NAALADL2: variants seen among roughly 807,000 people sequenced by gnomAD.
The protein encoded by NAALADL2 is inactive N-acetylated-alpha-linked acidic dipeptidase-like protein 2.
A neutral mutation model predicts 87.2 loss-of-function variants in NAALADL2; 76 were observed. The observed-to-expected ratio is 0.87, with a 90% CI of 0.72 to 1.05. The LOEUF is 1.05. Among genes scored for constraint, NAALADL2 ranks in the 50% least tolerant of loss-of-function variants. NAALADL2 has a pLI of 0.00. For synonymous variants in NAALADL2, 354 were observed against 331.0 expected, an observed-to-expected ratio of 1.07 and a Z score of -0.75; for missense variants, 1,089 against 945.8, an observed-to-expected ratio of 1.15 and a Z score of -1.99.
At chr3:174,722,263 C>T (rs954464750) in intron 2 of NAALADL2, among the ~76,000 whole-genome samples, 3 of 152,276 alleles carry the variant, frequency 2.0e-5, no homozygotes, top group Middle Eastern at 3.4e-3. Context: ...GGTTGGTTTA[C>T]GGAATCCTTT....
chr3:174,911,410 T>C (rs967328304), intron 1 of NAALADL2, among the ~76,000 whole-genome samples: 13 of 152,120 alleles, frequency 8.5e-5, no homozygotes, highest in South Asian at 8.3e-4. Context: ...AAGTAAAAAC[T>C]GTATACAGCA....
intron 5 of NAALADL2, among the ~76,000 whole-genome samples, chr3:175,414,575 T>A (rs1714235076): frequency 6.6e-6 from 1 of 152,174 alleles, no homozygotes; most frequent in African/African-American, 2.4e-5. Flanking sequence ...AAGTCAAAAG[T>A]CTTCTCCTTA....
At chr3:174,801,642 C>T (rs73050169) in intron 3 of NAALADL2, among the ~76,000 whole-genome samples, 13,036 of 152,084 alleles carry the variant, frequency 0.086, 597 homozygotes, top group Middle Eastern at 0.16. Context: ...CATAGATGCC[C>T]TTTATCAATT....
At chr3:175,425,947 T>C (rs979645220) in intron 5 of NAALADL2, among the ~76,000 whole-genome samples, 4 of 152,176 alleles carry the variant, frequency 2.6e-5, no homozygotes, top group Non-Finnish European at 5.9e-5. Context: ...TGATAAAAAG[T>C]ACTTGGGGGT....
intron 1 of NAALADL2, among the ~76,000 whole-genome samples, chr3:174,876,099 T>C (rs930223865): frequency 2.6e-5 from 4 of 152,196 alleles, no homozygotes; most frequent in Non-Finnish European, 1.5e-5. Flanking sequence ...ATATTCGTTT[T>C]ATGTGATCAG....
intron 2 of NAALADL2, among the ~76,000 whole-genome samples, chr3:174,719,888 G>A (rs1049606573): frequency 6.6e-6 from 1 of 152,230 alleles, no homozygotes; most frequent in Non-Finnish European, 1.5e-5. Flanking sequence ...CGCAACGTCC[G>A]CCTCCCGGGT....
chr3:175,197,388 C>A (rs972253505), intron 2 of NAALADL2, among the ~76,000 whole-genome samples: 9 of 152,064 alleles, frequency 5.9e-5, no homozygotes, highest in African/African-American at 1.9e-4. Flanking sequence ...TTTATGCATT[C>A]ATGACACAGC....
intron 2 of NAALADL2, among the ~76,000 whole-genome samples, chr3:174,713,855 T>G (rs1730924883): frequency 1.3e-5 from 2 of 152,078 alleles, no homozygotes; most frequent in East Asian, 1.9e-4. Context: ...TTTTGGTGTT[T>G]TAGACATGAA....
At chr3:175,014,301 G>A (rs79589721) in intron 1 of NAALADL2, among the ~76,000 whole-genome samples, 6,064 of 151,846 alleles carry the variant, frequency 0.04, 259 homozygotes, top group East Asian at 0.2. Context: ...TCCTTCCCTG[G>A]CAACTATACT....
chr3:175,191,846 G>A lies in NAALADL2; in HGVS notation c.546-42085G>A, dbSNP rs188358729. Among the ~76,000 whole-genome samples the A allele has an allele frequency of 4.9e-4, 75 of 152,210 alleles. No individual in the cohort carries two copies. The Middle Eastern group carries it at 0.01, about 21-fold the overall frequency. On this transcript the variant is annotated intron_variant, in intron 2 of 13. Coordinates refer to ENST00000454872, the MANE Select transcript of NAALADL2 (RefSeq NM_207015.3). ...ACACTTAAAATCTTCAAGTAAGACAGTTCTTATCTATTTCTAAGAAAATAA... is the reference window on the plus strand; with the variant it reads ...ACACTTAAAATCTTCAAGTAAGACAATTCTTATCTATTTCTAAGAAAATAA...
At chr3:175,319,351 A>G (rs1244482651) in intron 4 of NAALADL2, among the ~76,000 whole-genome samples, 1 of 143,684 alleles carries the variant, frequency 7.0e-6, no homozygotes, top group Non-Finnish European at 1.5e-5. Flanking sequence ...TACACCAAAA[A>G]TTGGAAGAGC....
Position 175,737,320 on chromosome 3 carries a change from G to C in NAALADL2, c.1911G>C (p.Val637=). 1.9e-6 allele frequency: 3 copies of C among 1,607,154 alleles called. No individual in the cohort carries two copies. Among genetic ancestry groups the C allele is most frequent in the Non-Finnish European group, 2.6e-6 (3 of 1,173,998 alleles). Residue 637 remains valine, a synonymous_variant, in exon 12 of 14, where the codon GTG becomes GTC. Transcript: ENST00000454872. ...HETITKLSGE[V]ILQIANEPVL... is the part of the protein sequence containing the mutation. ...TTTTCTTTCAGCTCTCAGGAGAAGT[G>C]ATTTTGCAAATTGCCAACGAACCTG...
chr3:175,730,766 A>G lies in NAALADL2; in HGVS notation c.1897-6540A>G, dbSNP rs1409020831. Among the ~76,000 whole-genome samples, 3 of 151,752 alleles carry G rather than the reference A, an allele frequency of 2.0e-5. No homozygotes were observed. In the East Asian group the frequency reaches 5.8e-4, roughly 29 times the overall value. On this transcript the variant is annotated intron_variant, in intron 11 of 13. Transcript: ENST00000454872. The stretch of plus-strand genomic sequence containing the variant: ...TTCTTTACAGTTTTTCTTATTTCTA[A>G]TTTATTCTTCCTTTATCTTCTGCTC...
At chr3:175,796,028 C>T (rs1245053439) in intron 13 of NAALADL2, among the ~76,000 whole-genome samples, 1 of 119,822 alleles carries the variant, frequency 8.3e-6, no homozygotes, top group East Asian at 2.5e-4. Flanking sequence ...GCTAACTAAC[C>T]CCTTATTGTT....
chr3:175,125,289 AGTTT>A (rs1156709011), intron 2 of NAALADL2, among the ~76,000 whole-genome samples: 1 of 151,960 alleles, frequency 6.6e-6, no homozygotes, highest in African/African-American at 2.4e-5. Context: ...TTGTAAGTCG[AGTTT>A]GTTTTTTTCT....
chr3:175,183,474 G>T (rs1303551798), intron 2 of NAALADL2, among the ~76,000 whole-genome samples: 1 of 151,986 alleles, frequency 6.6e-6, no homozygotes, highest in Non-Finnish European at 1.5e-5. Context: ...TTGTGGGCTT[G>T]TCATATATGG....
chr3:175,633,630 C>G (rs796791542), intron 11 of NAALADL2, among the ~76,000 whole-genome samples: 1 of 151,488 alleles, frequency 6.6e-6, no homozygotes, highest in African/African-American at 2.4e-5. Context: ...ACAAAAATGC[C>G]CTCATCTATG....
chr3:175,143,241 G>A (rs1279207232), intron 2 of NAALADL2, among the ~76,000 whole-genome samples: 1 of 151,824 alleles, frequency 6.6e-6, no homozygotes, highest in African/African-American at 2.4e-5. Context: ...CTTGCAGTTC[G>A]TTCGCAATAT....
intron 11 of NAALADL2, among the ~76,000 whole-genome samples, chr3:175,653,597 C>T (rs1336602198): frequency 6.6e-6 from 1 of 152,122 alleles, no homozygotes; most frequent in Non-Finnish European, 1.5e-5. Flanking sequence ...TTTGCCATAT[C>T]TACAATCTCT....
Sources: allele counts gnomAD v4.1 joint callset (sites outside exome capture counted in the v4.1 genomes callset), GRCh38; gene constraint gnomAD v4.1.1; transcripts MANE v1.5; gene names NCBI Gene and HGNC (gene_info 2026-07-23, HGNC 2026-07-21).